Variants in CTNNA2 observed in about 807,000 individuals in gnomAD.
The protein encoded by CTNNA2 is catenin alpha 2.
CTNNA2 carries 42 observed loss-of-function variants against 101.0 expected under a neutral mutation model. The observed-to-expected ratio is 0.42, with a 90% CI of 0.32 to 0.54. CTNNA2 has a LOEUF of 0.54. Among genes scored for constraint, CTNNA2 ranks in the 20% least tolerant of loss-of-function variants. CTNNA2 has a pLI of 0.14. For missense variants in CTNNA2, 871 were observed against 1,223.1 expected (o/e 0.71, Z 4.29); for synonymous variants, 450 against 456.4 (o/e 0.99, Z 0.18).
intron 1 of CTNNA2, among the ~76,000 whole-genome samples, chr2:79,595,360 A>G (rs751959783): frequency 2.0e-5 from 3 of 152,156 alleles, no homozygotes; most frequent in Admixed American, 6.6e-5. Context: ...GTGACTCACA[A>G]ATCTCTATTT....
intron 2 of CTNNA2, among the ~76,000 whole-genome samples, chr2:79,685,149 G>C (rs1478138718): frequency 6.6e-6 from 1 of 151,876 alleles, no homozygotes; most frequent in Non-Finnish European, 1.5e-5. Flanking sequence ...TTTAAAATAT[G>C]ACTTAATTTC....
rs149375810 is a variant in CTNNA2, at chr2:79,855,642, C to T, written c.299-2371C>T. Among the ~76,000 whole-genome samples, 476 of 152,288 alleles carry T rather than the reference C, an allele frequency of 3.1e-3. 3 individuals carry two copies. Among genetic ancestry groups the T allele is most frequent in the African/African-American group, 0.011 (454 of 41,576 alleles). ...CTCCTCCTGGGGATCTCTGTTCTGC[C>T]AATAGCCCTACCTGAGTGACCTACT... On this transcript the variant is annotated intron_variant, in intron 3 of 18. Coordinates refer to ENST00000402739, the MANE Select transcript of CTNNA2 (RefSeq NM_001282597.3).
intron 2 of CTNNA2, among the ~76,000 whole-genome samples, chr2:79,661,778 G>T (rs766869529): frequency 1.3e-5 from 2 of 152,094 alleles, no homozygotes; most frequent in Non-Finnish European, 2.9e-5. Flanking sequence ...GGTACTAAAT[G>T]CCTGGTGCTG....
chr2:79,567,740 T>C (rs1675203867), intron 1 of CTNNA2, among the ~76,000 whole-genome samples: 1 of 151,982 alleles, frequency 6.6e-6, no homozygotes, highest in South Asian at 2.1e-4. Flanking sequence ...CCACAGAAGG[T>C]AGAGCCAAGG....
intron 3 of CTNNA2, among the ~76,000 whole-genome samples, chr2:79,828,162 TG>T (rs1445764232): frequency 6.6e-6 from 1 of 152,218 alleles, no homozygotes; most frequent in Non-Finnish European, 1.5e-5. Context: ...TAAAGATCTT[TG>T]CATTTGATAA....
intron 2 of CTNNA2, among the ~76,000 whole-genome samples, chr2:79,668,412 T>C (rs1682595652): frequency 7.8e-6 from 1 of 128,770 alleles, no homozygotes; most frequent in Admixed American, 8.0e-5. Context: ...TCACATCTTT[T>C]AAAACTCTGT....
At chr2:80,541,567 G>T (rs902455247) in intron 9 of CTNNA2, among the ~76,000 whole-genome samples, 8 of 152,274 alleles carry the variant, frequency 5.3e-5, no homozygotes, top group African/African-American at 1.7e-4. Flanking sequence ...CTATGTGGAA[G>T]TTACTAGTTA....
chr2:79,935,592 T>A (rs1687731323), intron 7 of CTNNA2, among the ~76,000 whole-genome samples: 1 of 152,188 alleles, frequency 6.6e-6, no homozygotes, highest in Non-Finnish European at 1.5e-5. Flanking sequence ...TTCAATGCTC[T>A]AGTGAAATTC....
intron 7 of CTNNA2, among the ~76,000 whole-genome samples, chr2:80,297,656 CATACTTTAA>C (rs1416968343): frequency 1.3e-5 from 2 of 152,028 alleles, no homozygotes; most frequent in Admixed American, 1.3e-4. Context: ...CAGAGTAGAG[CATACTTTAA>C]TGGAAAAATA....
At chr2:79,211,507 C>T (rs949861553) in intron 2 of CTNNA2, among the ~76,000 whole-genome samples, 2 of 152,080 alleles carry the variant, frequency 1.3e-5, no homozygotes, top group Non-Finnish European at 2.9e-5. Flanking sequence ...AGGAAAATTA[C>T]AGTCAAAGGG....
chr2:79,923,460 CAAGT>C (rs1405136288), intron 7 of CTNNA2, among the ~76,000 whole-genome samples: 1 of 151,908 alleles, frequency 6.6e-6, no homozygotes, highest in African/African-American at 2.4e-5. Context: ...ATTAAATTGA[CAAGT>C]AATAATTGTA....
chr2:79,668,803 A>G (rs1274471925), intron 2 of CTNNA2, among the ~76,000 whole-genome samples: 1 of 152,246 alleles, frequency 6.6e-6, no homozygotes, highest in Admixed American at 6.5e-5. Flanking sequence ...AACATAAGAC[A>G]TAGCAGCTTG....
rs557775169 is a variant in CTNNA2 at position 79,217,767 on chromosome 2, T to G, written c.-406+19691T>G. ...CTATGACACCTACAGCTACACAAATTGAAAATATAGCCTGACTTAGCCAGA... is the reference window on the plus strand; with the variant it reads ...CTATGACACCTACAGCTACACAAATGGAAAATATAGCCTGACTTAGCCAGA... On this transcript the variant is annotated intron_variant, in intron 2 of 21. Transcript: ENST00000466387. Among the ~76,000 whole-genome samples, 13 of 152,274 alleles carry G rather than the reference T, an allele frequency of 8.5e-5. No homozygotes were observed. In the South Asian group the frequency reaches 2.7e-3, roughly 32 times the overall value.
chr2:79,777,429 C>G (rs1168566508), intron 3 of CTNNA2, among the ~76,000 whole-genome samples: 2 of 151,604 alleles, frequency 1.3e-5, no homozygotes, highest in Admixed American at 6.6e-5. Context: ...CTAAGGTACT[C>G]TCATCTTCCT....
intron 7 of CTNNA2, among the ~76,000 whole-genome samples, chr2:80,235,065 T>C (rs1235346546): frequency 1.3e-5 from 2 of 152,204 alleles, no homozygotes; most frequent in East Asian, 3.9e-4. Flanking sequence ...AACCCAATTC[T>C]TATGTTTATT....
chr2:79,812,009 C>A (rs1677078484), intron 3 of CTNNA2, among the ~76,000 whole-genome samples: 2 of 152,044 alleles, frequency 1.3e-5, no homozygotes, highest in Non-Finnish European at 2.9e-5. Context: ...ATTTCGATTT[C>A]CAATTGTTTA....
intron 7 of CTNNA2, among the ~76,000 whole-genome samples, chr2:80,088,812 A>G (rs926110561): frequency 6.6e-6 from 1 of 152,096 alleles, no homozygotes; most frequent in Admixed American, 6.6e-5. Flanking sequence ...AGAACACTCA[A>G]CATGTTTGAA....
At chr2:80,562,468 A>G (rs1009118583) in intron 12 of CTNNA2, among the ~76,000 whole-genome samples, 1 of 152,228 alleles carries the variant, frequency 6.6e-6, no homozygotes, top group Non-Finnish European at 1.5e-5. Flanking sequence ...TATAATATAT[A>G]TACTCTGTTA....
intron 3 of CTNNA2, among the ~76,000 whole-genome samples, chr2:79,325,696 T>A (rs1027061110): frequency 1.3e-5 from 2 of 152,318 alleles, no homozygotes; most frequent in South Asian, 4.1e-4. Context: ...ACCTTCTCCA[T>A]CCAGGCAGCC....
Sources: gnomAD v4.1 joint callset for allele counts (sites outside exome capture counted in the v4.1 genomes callset) on GRCh38, gnomAD v4.1.1 for gene constraint, MANE v1.5 for transcripts, NCBI Gene and HGNC (gene_info 2026-07-23, HGNC 2026-07-21) for gene names.